The following SYNE1 variants were observed in gnomAD, a reference collection of about 807,000 sequenced individuals.
SYNE1 encodes the protein spectrin repeat containing nuclear envelope protein 1.
SYNE1 carries 616 observed loss-of-function variants against 1,111.0 expected under a neutral mutation model. That is an observed-to-expected ratio of 0.55 (90% confidence interval 0.52 to 0.59). The LOEUF (loss-of-function observed/expected upper bound fraction) is 0.59. SYNE1 is among the 20% of genes least tolerant of loss of function. The pLI is 0.00. For synonymous variants in SYNE1, 3,855 were observed against 3,825.8 expected, an observed-to-expected ratio of 1.01 and a Z score of -0.28; for missense variants, 10,006 against 10,417.0, an observed-to-expected ratio of 0.96 and a Z score of 1.72.
At chr6:152,133,680 A>G (rs1323765502) in intron 142 of SYNE1, 192 bp from the exon 143 acceptor site, 9 of 624,334 alleles carry the variant, frequency 1.4e-5, no homozygotes, top group Non-Finnish European at 2.3e-5. Context: ...AATATTCTAT[A>G]AGACCCCTGA....
chr6:152,497,332 T>A (rs942523927), intron 11 of SYNE1, among the ~76,000 whole-genome samples: 1 of 152,236 alleles, frequency 6.6e-6, no homozygotes, highest in African/African-American at 2.4e-5. Context: ...CTTCCCAGGA[T>A]GTCTTTTCTG....
intron 25 of SYNE1, among the ~76,000 whole-genome samples, chr6:152,452,841 C>T (rs1345584426): frequency 1.3e-5 from 2 of 152,180 alleles, no homozygotes; most frequent in South Asian, 2.1e-4. Flanking sequence ...GACGGAAGCC[C>T]GCGGGCCCCC....
chr6:152,571,251 A>C (rs1280810696), intron 3 of SYNE1, among the ~76,000 whole-genome samples: 1 of 152,200 alleles, frequency 6.6e-6, no homozygotes, highest in East Asian at 1.9e-4. Flanking sequence ...TAAGAACAGG[A>C]AGCAAAGTAC....
intron 6 of SYNE1, among the ~76,000 whole-genome samples, chr6:152,515,628 T>TA (rs2099107702): frequency 6.6e-6 from 1 of 152,242 alleles, no homozygotes; most frequent in Non-Finnish European, 1.5e-5. Context: ...GTTCTCCTGT[T>TA]ACCACAGTTA....
intron 4 of SYNE1, among the ~76,000 whole-genome samples, chr6:152,529,103 A>C (rs944498953): frequency 1.3e-5 from 2 of 152,122 alleles, no homozygotes; most frequent in Non-Finnish European, 2.9e-5. Context: ...CACTCAGCAC[A>C]CTTAGATGTT....
chr6:152,442,125 T>G lies in SYNE1; in HGVS notation c.3958A>C (p.Thr1320Pro), dbSNP rs753921450. ...GHEELRKLESTLDGLERSRER... is the reference protein window; with the variant it reads ...GHEELRKLESPLDGLERSRER... ...CGGCTGCGCTCCAGGCCATCCAGTG[T>G]GCTCTCCAGCTTCCGCAGCTCCTCG... Residue 1320 changes from threonine (T) to proline (P), a missense_variant, in exon 31 of 146, where the codon ACA becomes CCA. By Grantham distance (38) the Thr-to-Pro change is conservative. This residue lies in a region of SYNE1 where 1,971 missense variants were observed against 2,084.1 expected (regional missense o/e 0.95). Coordinates refer to ENST00000367255, the MANE Select transcript of SYNE1 (RefSeq NM_182961.4). 4 of 1,614,078 alleles carry G rather than the reference T, an allele frequency of 2.5e-6. No individual in the cohort carries two copies. Among genetic ancestry groups the G allele is most frequent in the Non-Finnish European group, 3.4e-6 (4 of 1,180,028 alleles).
At chr6:152,581,134 C>T (rs540273087) in intron 3 of SYNE1, among the ~76,000 whole-genome samples, 2 of 152,340 alleles carry the variant, frequency 1.3e-5, no homozygotes, top group South Asian at 4.1e-4. Context: ...CAAAGACCTG[C>T]TTCCCTGAGA....
intron 6 of SYNE1, among the ~76,000 whole-genome samples, chr6:152,515,605 G>T (rs527753927): frequency 6.6e-6 from 1 of 152,298 alleles, no homozygotes; most frequent in East Asian, 1.9e-4. Context: ...CAGACAGGAC[G>T]CAGGACCACT....
chr6:152,619,330 A>AG (rs1489404740), intron 3 of SYNE1, among the ~76,000 whole-genome samples: 286 of 152,266 alleles, frequency 1.9e-3, no homozygotes, highest in Admixed American at 3.1e-3. Flanking sequence ...GATCCAACAT[A>AG]AACAGGGTCA....
chr6:152,580,047 G>A (rs556955945), intron 3 of SYNE1, among the ~76,000 whole-genome samples: 1 of 152,296 alleles, frequency 6.6e-6, no homozygotes, highest in African/African-American at 2.4e-5. Context: ...GGATTGCTGT[G>A]TCAAATGGTA....
rs924100670 is a variant in SYNE1, at chr6:152,453,781, C to T, written c.2893-61G>A. 37 of 1,608,654 alleles carry T rather than the reference C, an allele frequency of 2.3e-5. No homozygotes were observed. In the South Asian group the frequency reaches 2.3e-4, roughly 10 times the overall value. On this transcript the variant is annotated intron_variant, in intron 24 of 145. Transcript: ENST00000367255. ...ACAGACGAAAAGGCAGCACCAGGCA[C>T]AATCAGCCTCTAAGCCTCCAAACAA...
intron 43 of SYNE1, 58 bp downstream of exon 43, chr6:152,409,501 G>A: frequency 6.3e-7 from 1 of 1,594,452 alleles, no homozygotes. Context: ...ACTGCTTTAT[G>A]AGTAAAAACC....
chr6:152,149,392 T>C, intron 136 of SYNE1, 85 bp downstream of exon 136: 1 of 1,526,764 alleles, frequency 6.5e-7, no homozygotes, highest in South Asian at 1.1e-5. Context: ...GAGTCTGAGC[T>C]CTCACCCACT....
chr6:152,289,925 CTT>C (rs71017532), intron 95 of SYNE1, among the ~76,000 whole-genome samples: 12,085 of 129,880 alleles, frequency 0.093, 877 homozygotes, highest in East Asian at 0.38. Flanking sequence ...CGCGCCCAGC[CTT>C]TTTTTTTTTT....
Position 152,364,752 on chromosome 6 carries a change from G to A in SYNE1, c.10145+95C>T, listed in dbSNP as rs143574217. 11,933 of 1,415,422 alleles carry A rather than the reference G, an allele frequency of 8.4e-3. 80 individuals carry two copies. The highest frequency in any genetic ancestry group is 0.012 in the Middle Eastern group (66 of 5,610). 87.7% of individuals were successfully genotyped at this position (1,415,422 alleles called of 1,614,324 possible). ...AGGGAGGAAGGAAAGGAAAGGGAAG[G>A]GAAGGGAAGCCGGCCACAGGAATGG... On this transcript the variant is annotated intron_variant, in intron 63 of 145. Coordinates refer to ENST00000367255, the MANE Select transcript of SYNE1 (RefSeq NM_182961.4).
intron 130 of SYNE1, among the ~76,000 whole-genome samples, chr6:152,165,116 T>A (rs2063368586): frequency 6.8e-6 from 1 of 146,754 alleles, no homozygotes; most frequent in Non-Finnish European, 1.5e-5. Context: ...TTTAAAGAAG[T>A]GATTCTCAAG....
intron 3 of SYNE1, among the ~76,000 whole-genome samples, chr6:152,590,690 A>T (rs539714860): frequency 6.6e-6 from 1 of 152,224 alleles, no homozygotes; most frequent in East Asian, 1.9e-4. Context: ...GAGTTATAGG[A>T]TGTGTCCCAA....
intron 6 of SYNE1, among the ~76,000 whole-genome samples, chr6:152,516,410 A>T (rs929351955): frequency 2.0e-5 from 3 of 152,186 alleles, no homozygotes. Context: ...TCTTCTTTAT[A>T]AACAATGCCT....
At position 152,148,309 on chromosome 6, in the gene SYNE1, G is replaced by T. The variant is rs558531853; in HGVS notation, c.24712C>A (p.Leu8238Met). ...ELEDSAALSD[L>M]HWHDRSADSL... ...TCTGCAGAGCGGTCGTGCCAGTGCA[G>T]GTCCGACAGAGCTGCAGAGTCTTCC... The change falls in exon 137 of 146, where the codon CTG becomes ATG. Residue 8238 changes from leucine to methionine, a missense_variant. By Grantham distance (15) the Leu-to-Met change is conservative (BLOSUM62 2). Transcript: ENST00000367255. This position sits in a 1 kb window ranked among gnomAD's most constrained non-coding sequence, Gnocchi z 4.1. 1.1e-5 allele frequency: 18 copies of T among 1,614,092 alleles called. No homozygotes were observed. Among genetic ancestry groups the T allele is most frequent in the South Asian group, 8.8e-5 (8 of 91,052 alleles).
Sources: gnomAD v4.1 joint callset for allele counts (sites outside exome capture counted in the v4.1 genomes callset) on GRCh38, gnomAD v4.1.1 for gene constraint, gnomAD v4.1.1 regional missense constraint, Gnocchi (gnomAD v3.1) non-coding constraint, MANE v1.5 for transcripts, NCBI Gene and HGNC (gene_info 2026-07-23, HGNC 2026-07-21) for gene names.